Variants in RORA observed in about 807,000 individuals in gnomAD.
RORA encodes RAR related orphan receptor A, also known as nuclear receptor ROR-alpha.
RORA carries 7 observed loss-of-function variants against 69.5 expected under a neutral mutation model. The observed-to-expected ratio is 0.10, with a 90% CI of 0.06 to 0.19. RORA has a LOEUF of 0.19. Among genes scored for constraint, RORA ranks in the 10% least tolerant of loss-of-function variants. The probability of loss-of-function intolerance (pLI) is 1.00; values close to 1 mark genes in which losing one functional copy is unlikely to be tolerated. For missense variants in RORA, 457 were observed against 663.0 expected, an observed-to-expected ratio of 0.69 and a Z score of 3.41; for synonymous variants, 261 against 240.8, an observed-to-expected ratio of 1.08 and a Z score of -0.78.
intron 1 of RORA, among the ~76,000 whole-genome samples, chr15:60,992,351 T>G (rs1339764706): frequency 6.6e-6 from 1 of 152,186 alleles, no homozygotes; most frequent in Non-Finnish European, 1.5e-5. Context: ...CACTGGCACT[T>G]ACGGAGGGAA....
intron 2 of RORA, among the ~76,000 whole-genome samples, chr15:60,598,198 C>T (rs527392211): frequency 6.6e-6 from 1 of 152,198 alleles, no homozygotes; most frequent in Non-Finnish European, 1.5e-5. Flanking sequence ...TACATTGTTA[C>T]ACACACAGCA....
At chr15:61,139,333 C>G (rs1049408259) in intron 1 of RORA, among the ~76,000 whole-genome samples, 1 of 152,158 alleles carries the variant, frequency 6.6e-6, no homozygotes. Context: ...CCACGGAGCA[C>G]AGTCTGGGAA....
At chr15:61,100,213 G>A (rs921960875) in intron 1 of RORA, among the ~76,000 whole-genome samples, 22 of 151,270 alleles carry the variant, frequency 1.5e-4, no homozygotes, top group African/African-American at 4.9e-4. Flanking sequence ...TCCGCCTCCG[G>A]GTTCCAGCGA....
At chr15:61,175,285 T>C (rs569145462) in intron 1 of RORA, among the ~76,000 whole-genome samples, 3 of 152,186 alleles carry the variant, frequency 2.0e-5, no homozygotes, top group Admixed American at 1.3e-4. Flanking sequence ...TAGGAAATAG[T>C]ACAAGGCTGC....
chr15:60,609,870 C>G (rs997588722), intron 2 of RORA, among the ~76,000 whole-genome samples: 6 of 152,028 alleles, frequency 3.9e-5, no homozygotes, highest in Admixed American at 1.3e-4. Context: ...ATAGATAACA[C>G]CATTGCAGAA....
At chr15:61,200,621 A>G (rs891171687) in intron 1 of RORA, among the ~76,000 whole-genome samples, 25 of 152,192 alleles carry the variant, frequency 1.6e-4, no homozygotes, top group African/African-American at 5.3e-4. Context: ...TTTGTTCACA[A>G]TTGTGGCACC....
chr15:60,498,548 A>G (rs2065232624), intron 10 of RORA, among the ~76,000 whole-genome samples: 1 of 152,170 alleles, frequency 6.6e-6, no homozygotes, highest in Admixed American at 6.5e-5. Context: ...TAATGACACA[A>G]TTTGCAAAAT....
chr15:60,703,126 AAC>A (rs33962963), intron 1 of RORA, among the ~76,000 whole-genome samples: 86,736 of 145,326 alleles, frequency 0.6, 25,746 homozygotes, highest in Middle Eastern at 0.71. Context: ...GCTTCAGATT[AAC>A]ACACACACAC....
At position 60,497,565 on chromosome 15, in the gene RORA, G is replaced by C; in HGVS notation, c.1462C>G (p.Leu488Val). The change falls in exon 11 of 11, where the codon CTA (leucine) becomes GTA (valine). Residue 488 changes from leucine (L) to valine (V), a missense_variant. This residue lies in a region of RORA where 304 missense variants were observed against 447.4 expected (regional missense o/e 0.68). Coordinates refer to ENST00000335670, the MANE Select transcript of RORA (RefSeq NM_134261.3). The part of the protein sequence containing the change: ...RALCGRHTEK[L>V]MAFKAIYPDI... ...GGGTATATTGCTTTAAATGCCATTA[G>C]CTTTTCTGTATGTCGTCCACATAAG... 1 of 1,612,750 alleles carries C rather than the reference G, an allele frequency of 6.2e-7. No individual in the cohort carries two copies. The highest frequency in any genetic ancestry group is 1.1e-5 in the South Asian group (1 of 91,058).
intron 1 of RORA, among the ~76,000 whole-genome samples, chr15:60,689,890 C>T (rs555799108): frequency 2.6e-4 from 40 of 152,292 alleles, no homozygotes; most frequent in Non-Finnish European, 4.6e-4. Context: ...TCAGAGGGAG[C>T]AAGGCTCTGC....
At chr15:61,193,719 A>T (rs981180107) in intron 1 of RORA, among the ~76,000 whole-genome samples, 1 of 152,220 alleles carries the variant, frequency 6.6e-6, no homozygotes, top group Non-Finnish European at 1.5e-5. Flanking sequence ...CATATGCAAT[A>T]TCCTAACAAT....
At chr15:60,825,627 C>T (rs533381907) in intron 1 of RORA, among the ~76,000 whole-genome samples, 3 of 152,308 alleles carry the variant, frequency 2.0e-5, no homozygotes, top group African/African-American at 4.8e-5. Context: ...CCATCCTTCA[C>T]GTGCTGTGAT....
At position 61,049,055 on chromosome 15, in the gene RORA, C is replaced by T. The variant is rs537865300; in HGVS notation, c.166+179998G>A. Among the ~76,000 whole-genome samples, 4 of 152,296 alleles carry T rather than the reference C, an allele frequency of 2.6e-5. No homozygotes were observed. The South Asian group carries it at 8.3e-4, about 32-fold the overall frequency. ...ACACCCCCACACATCTGAACACCCTCGTGTCCCAACACCACATCTGCTGAA... is the reference window on the plus strand; with the variant it reads ...ACACCCCCACACATCTGAACACCCTTGTGTCCCAACACCACATCTGCTGAA... On this transcript the variant is annotated intron_variant, in intron 1 of 10. Transcript: ENST00000335670.
chr15:60,505,713 C>G, intron 5 of RORA, 84 bp from the exon 6 acceptor site: 1 of 1,493,488 alleles, frequency 6.7e-7, no homozygotes, highest in Non-Finnish European at 9.2e-7. Flanking sequence ...TAAGAAATAA[C>G]AAGTAGAAAA....
chr15:61,001,206 C>A (rs906703749), intron 1 of RORA, among the ~76,000 whole-genome samples: 1 of 152,184 alleles, frequency 6.6e-6, no homozygotes, highest in African/African-American at 2.4e-5. Flanking sequence ...ACAATAGTTA[C>A]CAATCCATGG....
At chr15:60,627,505 G>C (rs1415164920) in intron 2 of RORA, 5 of 1,511,706 alleles carry the variant, frequency 3.3e-6, no homozygotes, top group African/African-American at 1.4e-5. Flanking sequence ...GAGTATGGGG[G>C]ATAATGCTCA....
intron 1 of RORA, among the ~76,000 whole-genome samples, chr15:61,054,292 A>G (rs565448592): frequency 1.3e-5 from 2 of 148,368 alleles, no homozygotes; most frequent in South Asian, 4.5e-4. Context: ...GAAACTAAAC[A>G]TTTGAAAAGA....
chr15:61,228,077 C>T (rs1349216400), intron 1 of RORA, among the ~76,000 whole-genome samples: 1 of 146,592 alleles, frequency 6.8e-6, no homozygotes, highest in Non-Finnish European at 1.5e-5. Context: ...GAGTAAAAAT[C>T]GCCAGGGGAG....
chr15:61,067,924 G>A (rs1440837084), intron 1 of RORA, among the ~76,000 whole-genome samples: 2 of 152,214 alleles, frequency 1.3e-5, no homozygotes, highest in Non-Finnish European at 2.9e-5. Flanking sequence ...TTGTTCTTGA[G>A]GAGTATTGGT....
Sources: allele counts gnomAD v4.1 joint callset (sites outside exome capture counted in the v4.1 genomes callset), GRCh38; gene constraint gnomAD v4.1.1; regional missense constraint gnomAD v4.1.1; transcripts MANE v1.5; gene names NCBI Gene and HGNC (gene_info 2026-07-23, HGNC 2026-07-21).